The following ITGA1 variants were observed in gnomAD, a reference collection of about 807,000 sequenced individuals.
ITGA1 encodes the protein integrin alpha-1.
Under a neutral mutation model 145.9 loss-of-function variants are expected in ITGA1, and 85 were observed. The observed-to-expected ratio is 0.58, with a 90% CI of 0.49 to 0.70. The LOEUF (loss-of-function observed/expected upper bound fraction) is 0.70, where lower values mean the gene tolerates loss of function less well. ITGA1 is among the 30% of genes least tolerant of loss of function. The probability of loss-of-function intolerance (pLI) is 0.00; values close to 1 mark genes in which losing one functional copy is unlikely to be tolerated. For missense variants in ITGA1, 1,351 were observed against 1,418.7 expected (o/e 0.95, Z 0.77); for synonymous variants, 520 against 495.3 (o/e 1.05, Z -0.66).
At chr5:52,878,486 A>G (rs1453133010) in intron 6 of ITGA1, among the ~76,000 whole-genome samples, 1 of 152,184 alleles carries the variant, frequency 6.6e-6, no homozygotes, top group Non-Finnish European at 1.5e-5. Context: ...TAGGTTCTTT[A>G]AGATATGTAA....
chr5:52,899,936 C>T (rs934823319), intron 11 of ITGA1, among the ~76,000 whole-genome samples: 5 of 152,086 alleles, frequency 3.3e-5, no homozygotes, highest in South Asian at 2.1e-4. Context: ...GTTTATATCA[C>T]GATACCAAAA....
chr5:52,820,935 A>G (rs959282378), intron 1 of ITGA1, among the ~76,000 whole-genome samples: 1 of 152,104 alleles, frequency 6.6e-6, no homozygotes, highest in Non-Finnish European at 1.5e-5. Flanking sequence ...TGAAACTCTC[A>G]TCTATTTAGT....
At chr5:52,820,370 T>C (rs1748856708) in intron 1 of ITGA1, among the ~76,000 whole-genome samples, 1 of 2,766 alleles carries the variant, frequency 3.6e-4, no homozygotes, top group African/African-American at 1.4e-3. Flanking sequence ...TCAGGGCCTG[T>C]TGTGGGTGGG....
At chr5:52,906,321 T>C (rs1750406564) in intron 12 of ITGA1, among the ~76,000 whole-genome samples, 1 of 152,090 alleles carries the variant, frequency 6.6e-6, no homozygotes, top group Non-Finnish European at 1.5e-5. Flanking sequence ...GAAAGAGCAG[T>C]GAAAGAGAAA....
intron 11 of ITGA1, among the ~76,000 whole-genome samples, chr5:52,899,813 G>A (rs1379744274): frequency 6.6e-6 from 1 of 152,162 alleles, no homozygotes; most frequent in African/African-American, 2.4e-5. Flanking sequence ...GAGATCCTAT[G>A]GAGCATGTAG....
chr5:52,946,913 C>T (rs1751143449), intron 27 of ITGA1, among the ~76,000 whole-genome samples: 1 of 152,130 alleles, frequency 6.6e-6, no homozygotes, highest in Non-Finnish European at 1.5e-5. Flanking sequence ...AAATTATGCA[C>T]ACTAGAAATA....
In ITGA1 at chr5:52,915,553, A is replaced by T. The variant is rs753685362; in HGVS notation, c.1947A>T (p.Thr649=). The T allele has an allele frequency of 6.2e-7, 1 of 1,614,066 alleles. No homozygotes were observed. The highest frequency in any genetic ancestry group is 1.1e-5 in the South Asian group (1 of 91,078). ...GEMDLNGDGL[T]DVTIGGLGGA... ...TGGATTTAAATGGTGACGGTCTGAC[A>T]GATGTGACTATTGGGGGCCTTGGTG... Residue 649 remains threonine, a synonymous_variant, in exon 15 of 29, where the codon ACA becomes ACT. Coordinates refer to ENST00000282588, the MANE Select transcript of ITGA1 (RefSeq NM_181501.2).
chr5:52,907,031 G>A (rs1057024538), intron 12 of ITGA1, among the ~76,000 whole-genome samples: 1 of 152,136 alleles, frequency 6.6e-6, no homozygotes, highest in Non-Finnish European at 1.5e-5. Flanking sequence ...ATCTTCATCA[G>A]GTACTTATAA....
At position 52,795,429 on chromosome 5, in the gene ITGA1, A is replaced by G. The variant is rs570576782; in HGVS notation, c.61+7015A>G. On this transcript the variant is annotated intron_variant, in intron 1 of 28. Transcript: ENST00000282588. The stretch of plus-strand genomic sequence containing the variant: ...ACTGTTTAAGGGTCACAAGCTAAGC[A>G]GAGGGTATTAAAACAAGATTTCCAT... 5.9e-5 allele frequency among the ~76,000 whole-genome samples: 9 copies of G among 152,090 alleles called. 1 individual carries two copies. The South Asian group carries it at 1.9e-3, about 32-fold the overall frequency.
At chr5:52,920,001 G>T (rs1373377959) in intron 16 of ITGA1, among the ~76,000 whole-genome samples, 1 of 151,988 alleles carries the variant, frequency 6.6e-6, no homozygotes, top group African/African-American at 2.4e-5. Context: ...AACTTAAAAA[G>T]AATGTTTTAA....
chr5:52,928,885 C>T (rs1240585598), intron 20 of ITGA1, among the ~76,000 whole-genome samples: 1 of 152,156 alleles, frequency 6.6e-6, no homozygotes, highest in African/African-American at 2.4e-5. Flanking sequence ...CTGTTTGAAA[C>T]TGGCTTGATT....
chr5:52,857,424 T>C (rs1179236949), intron 2 of ITGA1, among the ~76,000 whole-genome samples: 3 of 152,026 alleles, frequency 2.0e-5, no homozygotes, highest in Non-Finnish European at 2.9e-5. Context: ...ATTGCCTCCA[T>C]GATAAATTTG....
At chr5:52,837,830 T>A (rs1749185201) in intron 1 of ITGA1, among the ~76,000 whole-genome samples, 1 of 151,920 alleles carries the variant, frequency 6.6e-6, no homozygotes, top group African/African-American at 2.4e-5. Context: ...GCAACAGCAA[T>A]TATAACTAAG....
At chr5:52,925,600 A>G in intron 19 of ITGA1, 113 bp downstream of exon 19, 15 of 769,274 alleles carry the variant, frequency 1.9e-5, no homozygotes, top group Non-Finnish European at 3.2e-5. Context: ...AATAGAAGGA[A>G]TTTTTTACAT....
intron 1 of ITGA1, among the ~76,000 whole-genome samples, chr5:52,796,560 G>A (rs1057132334): frequency 6.6e-6 from 1 of 152,072 alleles, no homozygotes; most frequent in South Asian, 2.1e-4. Context: ...AGCAGTTTCT[G>A]AACTACCATT....
At chr5:52,940,802 T>C (rs1275575450) in intron 26 of ITGA1, among the ~76,000 whole-genome samples, 1 of 152,184 alleles carries the variant, frequency 6.6e-6, no homozygotes, top group Non-Finnish European at 1.5e-5. Context: ...TTTTTTAAAT[T>C]TCAACTTTAA....
chr5:52,864,985 A>T lies in ITGA1; in HGVS notation c.399A>T (p.Leu133Phe). The T allele has an allele frequency of 6.2e-7, 1 of 1,611,744 alleles. No individual in the cohort carries two copies. Among genetic ancestry groups the T allele is most frequent in the Non-Finnish European group, 8.5e-7 (1 of 1,179,176 alleles). The change falls in exon 5 of 29, where the codon TTA becomes TTT. Residue 133 changes from leucine to phenylalanine, a missense_variant. Coordinates refer to ENST00000282588, the MANE Select transcript of ITGA1 (RefSeq NM_181501.2). ...ATTTTTTAAAGGCTTGTGGGCCCTT[A>T]TATGCCTATAGATGTGGACATTTGC... ...PNGGFLACGPLYAYRCGHLHY... is the reference protein window; with the variant it reads ...PNGGFLACGPFYAYRCGHLHY...
At chr5:52,898,572 G>A (rs1471789703) in intron 11 of ITGA1, among the ~76,000 whole-genome samples, 189 bp downstream of exon 11, 2 of 152,066 alleles carry the variant, frequency 1.3e-5, no homozygotes, top group African/African-American at 2.4e-5. Flanking sequence ...TGACATACAT[G>A]GGGGTCCTTT....
chr5:52,872,718 G>A (rs1014771243), intron 6 of ITGA1, among the ~76,000 whole-genome samples: 3 of 151,692 alleles, frequency 2.0e-5, no homozygotes, highest in South Asian at 4.2e-4. Flanking sequence ...CTGGGCCCTT[G>A]CCTTCCTTGT....
Sources: allele counts gnomAD v4.1 joint callset (sites outside exome capture counted in the v4.1 genomes callset), GRCh38; gene constraint gnomAD v4.1.1; transcripts MANE v1.5; gene names NCBI Gene and HGNC (gene_info 2026-07-23, HGNC 2026-07-21).